Variants in TAFA5 observed in about 807,000 individuals in gnomAD.
TAFA5 encodes the protein chemokine-like protein TAFA-5.
A neutral mutation model predicts 15.3 loss-of-function variants in TAFA5; 6 were observed. The ratio of observed to expected loss-of-function variants is 0.39; its 90% CI spans 0.21 to 0.77. The LOEUF is 0.77. Among genes scored for constraint, TAFA5 ranks in the 30% least tolerant of loss-of-function variants. TAFA5 has a pLI of 0.41. For synonymous variants in TAFA5, 103 were observed against 80.7 expected (o/e 1.28, Z -1.48); for missense variants, 161 against 193.1 (o/e 0.83, Z 0.98).
chr22:48,613,049 C>T (rs112845115), intron 1 of TAFA5, among the ~76,000 whole-genome samples: 357 of 152,312 alleles, frequency 2.3e-3, no homozygotes, highest in African/African-American at 8.2e-3. Context: ...CTCACTGGCA[C>T]TCAGGGACCA....
chr22:48,678,841 T>TTG (rs1028293091), intron 2 of TAFA5, among the ~76,000 whole-genome samples: 3 of 151,160 alleles, frequency 2.0e-5, no homozygotes, highest in Non-Finnish European at 4.4e-5. Flanking sequence ...TTCTCACATG[T>TTG]TGGAAGCCTG....
At chr22:48,531,868 G>T (rs1055149874) in intron 1 of TAFA5, among the ~76,000 whole-genome samples, 2 of 152,196 alleles carry the variant, frequency 1.3e-5, no homozygotes, top group Admixed American at 6.5e-5. Context: ...AAGGACGGAC[G>T]GGCCTGGCAG....
At chr22:48,660,708 G>A (rs1215666492) in intron 2 of TAFA5, among the ~76,000 whole-genome samples, 1 of 152,242 alleles carries the variant, frequency 6.6e-6, no homozygotes, top group Non-Finnish European at 1.5e-5. Context: ...GCTCCGCCCT[G>A]GCTCTGCACC....
intron 1 of TAFA5, among the ~76,000 whole-genome samples, chr22:48,542,833 GTA>G (rs1401096817): frequency 4.0e-5 from 6 of 148,982 alleles, no homozygotes; most frequent in African/African-American, 1.5e-4. Context: ...TGTGTGGTGT[GTA>G]TGTGTGTGTG....
chr22:48,744,280 G>A (rs1930264635), intron 3 of TAFA5, among the ~76,000 whole-genome samples: 1 of 152,214 alleles, frequency 6.6e-6, no homozygotes, highest in Non-Finnish European at 1.5e-5. Context: ...CTCTGTAGAG[G>A]GTGGCTGACT....
At chr22:48,591,855 G>C (rs559877651) in intron 1 of TAFA5, among the ~76,000 whole-genome samples, 2 of 152,288 alleles carry the variant, frequency 1.3e-5, no homozygotes, top group East Asian at 3.9e-4. Flanking sequence ...CTCCCCCACG[G>C]AGTCTCCCTC....
At chr22:48,653,334 C>CCCCCGG (rs1927122478) in intron 2 of TAFA5, among the ~76,000 whole-genome samples, 1 of 152,162 alleles carries the variant, frequency 6.6e-6, no homozygotes, top group Non-Finnish European at 1.5e-5. Context: ...AGAGACCCTG[C>CCCCCGG]CCCCGGTTCC....
At chr22:48,686,000 C>T (rs551989037) in intron 2 of TAFA5, among the ~76,000 whole-genome samples, 4 of 133,328 alleles carry the variant, frequency 3.0e-5, no homozygotes, top group Non-Finnish European at 4.4e-5. Flanking sequence ...CGGGAGTACA[C>T]GCAGGCCCCA....
At chr22:48,674,888 A>G (rs1280762420) in intron 2 of TAFA5, among the ~76,000 whole-genome samples, 1 of 151,324 alleles carries the variant, frequency 6.6e-6, no homozygotes, top group Non-Finnish European at 1.5e-5. Context: ...GACAGAGACG[A>G]GGCTGAGATA....
intron 2 of TAFA5, among the ~76,000 whole-genome samples, chr22:48,686,928 ATGGATGG>A (rs764601127): frequency 0.059 from 8,444 of 142,972 alleles, 324 homozygotes; most frequent in Non-Finnish European, 0.084. Context: ...GGATGGATGG[ATGGATGG>A]ATGGATTGGT....
intron 1 of TAFA5, chr22:48,576,476 CCG>C: frequency 6.9e-7 from 1 of 1,459,692 alleles, no homozygotes; most frequent in Non-Finnish European, 9.1e-7. Flanking sequence ...AGTTGGGACT[CCG>C]CGATGCAGCT....
At chr22:48,562,230 C>T (rs913721149) in intron 1 of TAFA5, among the ~76,000 whole-genome samples, 11 of 152,098 alleles carry the variant, frequency 7.2e-5, no homozygotes, top group African/African-American at 2.2e-4. Flanking sequence ...CTCTGCCTCC[C>T]GGGTTCACGC....
chr22:48,617,097 G>A (rs772500693), intron 1 of TAFA5, among the ~76,000 whole-genome samples: 4 of 152,208 alleles, frequency 2.6e-5, no homozygotes, highest in Non-Finnish European at 5.9e-5. Context: ...AGATGTCCGG[G>A]TTCTAATCCC....
intron 2 of TAFA5, among the ~76,000 whole-genome samples, chr22:48,663,741 T>C (rs752639337): frequency 6.6e-6 from 1 of 152,224 alleles, no homozygotes; most frequent in African/African-American, 2.4e-5. Context: ...CCCTCCCTTT[T>C]CCTGGCATAT....
chr22:48,638,856 C>T (rs148608632), intron 1 of TAFA5, among the ~76,000 whole-genome samples: 2,503 of 138,450 alleles, frequency 0.018, 62 homozygotes, highest in East Asian at 0.04. Flanking sequence ...GGCGGGACCC[C>T]GACACTAAGC....
intron 3 of TAFA5, among the ~76,000 whole-genome samples, chr22:48,724,513 C>T (rs986248668): frequency 3.9e-5 from 6 of 152,200 alleles, no homozygotes; most frequent in African/African-American, 1.4e-4. Context: ...TTAATGCAGC[C>T]ACACACTCAC....
Position 48,490,740 on chromosome 22 carries a change from A to C in TAFA5, c.112+1036A>C, listed in dbSNP as rs1245780609. Among the ~76,000 whole-genome samples, 2 of 141,222 alleles carry C rather than the reference A, an allele frequency of 1.4e-5. No homozygotes were observed. Among genetic ancestry groups the C allele is most frequent in the African/African-American group, 5.5e-5 (2 of 36,386 alleles). 92.6% of individuals were successfully genotyped at this position (141,222 alleles called of 152,430 possible). On this transcript the variant is annotated intron_variant, in intron 1 of 3. Coordinates refer to ENST00000402357, the MANE Select transcript of TAFA5 (RefSeq NM_001082967.3). This position sits in a 1 kb window ranked among gnomAD's most constrained non-coding sequence, Gnocchi z 5.8. ...GGAGCACCTGTCATGGAGAATTGCC[A>C]TGGGCGCGGGAGGTGATGGAAAAAT... is the stretch of plus-strand genomic sequence containing the variant.
chr22:48,587,126 G>A (rs930410195), intron 1 of TAFA5, among the ~76,000 whole-genome samples: 5 of 152,254 alleles, frequency 3.3e-5, no homozygotes, highest in Non-Finnish European at 5.9e-5. Context: ...TGTGGAAGCC[G>A]TCGTCAGCTG....
chr22:48,724,489 C>T lies in TAFA5; in HGVS notation c.390+16645C>T, dbSNP rs565384738. On this transcript the variant is annotated intron_variant, in intron 3 of 3. Transcript: ENST00000402357. ...TCCCCTGCAAGTCCATAGAAGCCTC[C>T]GTGGCTTTCTGGATTAATGCAGCCA... is the stretch of plus-strand genomic sequence containing the variant. 2.6e-5 allele frequency among the ~76,000 whole-genome samples: 4 copies of T among 152,332 alleles called. No individual in the cohort carries two copies. In the East Asian group the frequency reaches 5.8e-4, roughly 22 times the overall value.
Sources: gnomAD v4.1 joint callset for allele counts (sites outside exome capture counted in the v4.1 genomes callset) on GRCh38, gnomAD v4.1.1 for gene constraint, Gnocchi (gnomAD v3.1) non-coding constraint, MANE v1.5 for transcripts, NCBI Gene and HGNC (gene_info 2026-07-23, HGNC 2026-07-21) for gene names.